UTRN: variants seen among roughly 807,000 people sequenced by gnomAD.
UTRN encodes dystrophin-related protein 1.
In UTRN, 283 loss-of-function variants were observed where a neutral mutation model predicts 463.9. The observed-to-expected ratio is 0.61, with a 90% CI of 0.55 to 0.67. UTRN has a LOEUF of 0.67. Among genes scored for constraint, UTRN ranks in the 30% least tolerant of loss-of-function variants. UTRN has a pLI of 0.00. For missense variants in UTRN, 3,922 were observed against 4,084.3 expected (o/e 0.96, Z 1.08); for synonymous variants, 1,442 against 1,431.5 (o/e 1.01, Z -0.17).
chr6:144,471,877 G>C (rs889580804), intron 23 of UTRN, among the ~76,000 whole-genome samples: 7 of 152,190 alleles, frequency 4.6e-5, no homozygotes, highest in African/African-American at 1.7e-4. Context: ...AGCTAGATAA[G>C]CACTTTTTAC....
At chr6:144,461,626 A>T (rs1789420419) in intron 22 of UTRN, among the ~76,000 whole-genome samples, 1 of 152,216 alleles carries the variant, frequency 6.6e-6, no homozygotes, top group South Asian at 2.1e-4. Flanking sequence ...TTATGAAATG[A>T]GGACTATCAG....
At chr6:144,627,742 A>G (rs1401136683) in intron 51 of UTRN, among the ~76,000 whole-genome samples, 1 of 150,572 alleles carries the variant, frequency 6.6e-6, no homozygotes, top group African/African-American at 2.4e-5. Flanking sequence ...TTTCATTAGC[A>G]TAATGTCCTG....
intron 2 of UTRN, among the ~76,000 whole-genome samples, chr6:144,329,833 A>G (rs1359507934): frequency 6.6e-6 from 1 of 152,222 alleles, no homozygotes; most frequent in Non-Finnish European, 1.5e-5. Context: ...TGTGCCACAG[A>G]GTGTTTCAAA....
intron 54 of UTRN, among the ~76,000 whole-genome samples, chr6:144,732,557 C>T (rs979598880): frequency 3.3e-5 from 5 of 151,756 alleles, no homozygotes; most frequent in South Asian, 2.1e-4. Flanking sequence ...TAATCATATT[C>T]GTGTTTCTCC....
chr6:144,574,089 A>G (rs1309821816), intron 50 of UTRN, among the ~76,000 whole-genome samples: 1 of 152,218 alleles, frequency 6.6e-6, no homozygotes, highest in Non-Finnish European at 1.5e-5. Flanking sequence ...TTATGTGGAT[A>G]TAACATTTTC....
chr6:144,675,218 T>C (rs1207914437), intron 51 of UTRN, among the ~76,000 whole-genome samples: 1 of 152,104 alleles, frequency 6.6e-6, no homozygotes, highest in Non-Finnish European at 1.5e-5. Flanking sequence ...GCAGTGATGG[T>C]TGTGCTCTTC....
chr6:144,600,096 T>A (rs1297966627), intron 51 of UTRN, among the ~76,000 whole-genome samples: 1 of 152,212 alleles, frequency 6.6e-6, no homozygotes, highest in African/African-American at 2.4e-5. Context: ...ATAAATGTTG[T>A]GTGTGGTCTG....
chr6:144,551,989 GC>G, intron 48 of UTRN, among the ~76,000 whole-genome samples: 1 of 151,990 alleles, frequency 6.6e-6, no homozygotes, highest in Non-Finnish European at 1.5e-5. Flanking sequence ...TCCTTCTATG[GC>G]CTTTCCCCCC....
At chr6:144,574,756 A>G (rs1228904210) in intron 50 of UTRN, among the ~76,000 whole-genome samples, 3 of 152,096 alleles carry the variant, frequency 2.0e-5, no homozygotes, top group Non-Finnish European at 4.4e-5. Context: ...TAATTTTTGT[A>G]TTTTTAGTGG....
chr6:144,452,578 A>G (rs1189702599), intron 18 of UTRN, among the ~76,000 whole-genome samples: 1 of 152,092 alleles, frequency 6.6e-6, no homozygotes, highest in Non-Finnish European at 1.5e-5. Flanking sequence ...TCTGGAAAGA[A>G]TTTTGTCTTG....
chr6:144,619,397 G>A (rs926610549), intron 51 of UTRN, among the ~76,000 whole-genome samples: 1 of 152,124 alleles, frequency 6.6e-6, no homozygotes, highest in Non-Finnish European at 1.5e-5. Context: ...TATCAATTTG[G>A]TCAGTCTAGA....
At chr6:144,541,388 T>G (rs1308826335) in intron 45 of UTRN, among the ~76,000 whole-genome samples, 1 of 152,234 alleles carries the variant, frequency 6.6e-6, no homozygotes, top group Non-Finnish European at 1.5e-5. Context: ...GTGGGTATTC[T>G]GCAGAAAAGG....
At chr6:144,689,264 G>C (rs975381605) in intron 52 of UTRN, among the ~76,000 whole-genome samples, 1 of 152,172 alleles carries the variant, frequency 6.6e-6, no homozygotes, top group Non-Finnish European at 1.5e-5. Context: ...AGCAGCCCCA[G>C]GTGTGTCTGC....
chr6:144,487,418 T>C (rs955233587), intron 28 of UTRN, 130 bp from the exon 29 acceptor site: 1 of 883,598 alleles, frequency 1.1e-6, no homozygotes, highest in African/African-American at 1.7e-5. Flanking sequence ...TACTTAACTT[T>C]TGGTCCTGTT....
chr6:144,301,884 A>G (rs1805293905), intron 2 of UTRN, among the ~76,000 whole-genome samples: 1 of 151,710 alleles, frequency 6.6e-6, no homozygotes, highest in Admixed American at 6.6e-5. Flanking sequence ...CGCCCCAAAA[A>G]CCACCATGAA....
At chr6:144,745,800 G>A (rs971787967) in intron 54 of UTRN, among the ~76,000 whole-genome samples, 7 of 152,030 alleles carry the variant, frequency 4.6e-5, no homozygotes, top group Non-Finnish European at 1.0e-4. Flanking sequence ...AATGAGTAGT[G>A]TATTTCTTTT....
chr6:144,833,632 C>T (rs1187516890), intron 69 of UTRN, among the ~76,000 whole-genome samples: 3 of 152,110 alleles, frequency 2.0e-5, no homozygotes, highest in African/African-American at 4.8e-5. Flanking sequence ...TATATCTTTA[C>T]GCTTTGTCCA....
intron 3 of UTRN, among the ~76,000 whole-genome samples, chr6:144,411,174 T>A (rs1427715936): frequency 6.6e-6 from 1 of 152,228 alleles, no homozygotes; most frequent in Non-Finnish European, 1.5e-5. Flanking sequence ...TGTACTAGTT[T>A]ACATTTCCAG....
At chr6:144,330,238 C>T (rs1348624879) in intron 2 of UTRN, among the ~76,000 whole-genome samples, 2 of 152,024 alleles carry the variant, frequency 1.3e-5, no homozygotes, top group African/African-American at 2.4e-5. Flanking sequence ...TGATTGAGGC[C>T]GGTGATTGGG....
Sources: allele counts gnomAD v4.1 joint callset (sites outside exome capture counted in the v4.1 genomes callset), GRCh38; gene constraint gnomAD v4.1.1; transcripts MANE v1.5; gene names NCBI Gene and HGNC (gene_info 2026-07-23, HGNC 2026-07-21).